The following PHF20 variants were observed in gnomAD, a reference collection of about 807,000 sequenced individuals.
PHF20 encodes PHD finger protein 20, also known as glioma-expressed antigen 2.
Under a neutral mutation model 113.5 loss-of-function variants are expected in PHF20, and 23 were observed. That is an observed-to-expected ratio of 0.20 (90% confidence interval 0.15 to 0.29). The LOEUF (loss-of-function observed/expected upper bound fraction) is 0.29, where lower values mean the gene tolerates loss of function less well. Ranked by LOEUF, PHF20 falls within the 10% of genes least tolerant of loss-of-function variation. The pLI, the probability that PHF20 is intolerant of heterozygous loss-of-function variation, is 1.00. For missense variants in PHF20, 943 were observed against 1,219.6 expected (o/e 0.77, Z 3.38); for synonymous variants, 434 against 457.3 (o/e 0.95, Z 0.65).
At chr20:35,780,708 G>A (rs1408893368) in intron 1 of PHF20, among the ~76,000 whole-genome samples, 2 of 149,930 alleles carry the variant, frequency 1.3e-5, no homozygotes, top group African/African-American at 4.9e-5. Flanking sequence ...CACCACACCC[G>A]GCTAATCTTT....
At chr20:35,817,590 G>A (rs2042098802) in intron 2 of PHF20, among the ~76,000 whole-genome samples, 1 of 152,082 alleles carries the variant, frequency 6.6e-6, no homozygotes, top group Non-Finnish European at 1.5e-5. Flanking sequence ...GAGCTCAGGA[G>A]TTCAACGACA....
intron 15 of PHF20, among the ~76,000 whole-genome samples, chr20:35,935,657 G>A (rs947469982): frequency 6.6e-6 from 1 of 152,220 alleles, no homozygotes. Context: ...ATGAGCCACT[G>A]TGCCTAGCCC....
At chr20:35,835,914 C>T (rs945861488) in intron 2 of PHF20, among the ~76,000 whole-genome samples, 1 of 152,064 alleles carries the variant, frequency 6.6e-6, no homozygotes, top group Non-Finnish European at 1.5e-5. Flanking sequence ...TGGGCAACAG[C>T]ATGAGACTTC....
At chr20:35,787,683 C>T (rs1347564619) in intron 1 of PHF20, among the ~76,000 whole-genome samples, 1 of 151,250 alleles carries the variant, frequency 6.6e-6, no homozygotes, top group Non-Finnish European at 1.5e-5. Context: ...GACGAGGTTT[C>T]ACCATGTTGG....
intron 2 of PHF20, among the ~76,000 whole-genome samples, chr20:35,833,760 T>TA (rs892528326): frequency 2.6e-5 from 4 of 151,602 alleles, no homozygotes; most frequent in Non-Finnish European, 4.4e-5. Flanking sequence ...AATGAAGGGT[T>TA]AAAAAAAATA....
intron 17 of PHF20, among the ~76,000 whole-genome samples, chr20:35,943,219 A>G (rs1056631271): frequency 6.6e-6 from 1 of 152,064 alleles, no homozygotes; most frequent in African/African-American, 2.4e-5. Context: ...GTGGTGGTGC[A>G]CACGTATAAT....
chr20:35,825,676 CT>C, intron 2 of PHF20, among the ~76,000 whole-genome samples: 2 of 152,166 alleles, frequency 1.3e-5, no homozygotes, highest in South Asian at 4.1e-4. Context: ...GAGGGTCTTG[CT>C]TTGTTGCCCA....
At chr20:35,941,148 G>A (rs2055972295) in intron 17 of PHF20, 101 bp downstream of exon 17, 4 of 871,986 alleles carry the variant, frequency 4.6e-6, no homozygotes, top group Non-Finnish European at 7.0e-6. Flanking sequence ...AGGGACCGCT[G>A]TACTCTTTGC....
Position 35,789,872 on chromosome 20 carries a change from T to C in PHF20, c.-32-11619T>C, listed in dbSNP as rs369389646. ...CCGCCCCCCCCCCCCCCTTTTTTTT[T>C]ATACACAGTTTTACTCTTGTTCCCC... On this transcript the variant is annotated intron_variant, in intron 1 of 17. Transcript: ENST00000374012. Among the ~76,000 whole-genome samples the C allele has an allele frequency of 1.4e-3, 160 of 112,882 alleles. 3 individuals are homozygous for C. The highest frequency in any genetic ancestry group is 5.2e-3 in the African/African-American group (150 of 28,938). 74.1% of individuals were successfully genotyped at this position (112,882 alleles called of 152,430 possible). A position where few individuals can be genotyped will look rare whatever the true frequency, so the allele number is the denominator to read the frequency against.
In PHF20 at chr20:35,896,444, C is replaced by A. The variant is rs147575542; in HGVS notation, c.1283-2926C>A. Among the ~76,000 whole-genome samples, 588 of 152,096 alleles carry A rather than the reference C, an allele frequency of 3.9e-3. 2 individuals are homozygous for A. The highest frequency in any genetic ancestry group is 6.6e-3 in the Non-Finnish European group (447 of 67,990). ...GACCAAATCTGTAGCATAGGAATGA[C>A]TTAATGTGATTTTTTGTTGGTGGGA... On this transcript the variant is annotated intron_variant, in intron 9 of 17. Coordinates refer to ENST00000374012, the MANE Select transcript of PHF20 (RefSeq NM_016436.5).
rs181099158 is a variant in PHF20, at chr20:35,883,970, G to C, written c.1282+12141G>C. ...GAGGGTGGTGTGTGGTACAAGTGAT[G>C]TCAGTACTCCAGGACTGGGTGGTGC... On this transcript the variant is annotated intron_variant, in intron 9 of 17. Transcript: ENST00000374012. Among the ~76,000 whole-genome samples, 36 of 152,320 alleles carry C rather than the reference G, an allele frequency of 2.4e-4. No individual in the cohort carries two copies. The East Asian group carries it at 6.9e-3, about 29-fold the overall frequency.
Position 35,790,407 on chromosome 20 carries a change from A to G in PHF20, c.-32-11084A>G, listed in dbSNP as rs540362722. ...GTAGAGGCGGGATTTCACCATGTTG[A>G]CAAGGCTGGTCTCAAACTCCTGACC... On this transcript the variant is annotated intron_variant, in intron 1 of 17. Coordinates refer to ENST00000374012, the MANE Select transcript of PHF20 (RefSeq NM_016436.5). 3.3e-5 allele frequency among the ~76,000 whole-genome samples: 5 copies of G among 149,860 alleles called. No homozygotes were observed. In the South Asian group the frequency reaches 8.5e-4, roughly 26 times the overall value.
At chr20:35,850,241 C>T (rs1004367948) in intron 4 of PHF20, among the ~76,000 whole-genome samples, 1 of 149,114 alleles carries the variant, frequency 6.7e-6, no homozygotes, top group South Asian at 2.1e-4. Flanking sequence ...GTTTGGAAGC[C>T]ATCTCTGGTG....
chr20:35,852,364 T>A (rs2042748336), intron 4 of PHF20, among the ~76,000 whole-genome samples: 1 of 152,194 alleles, frequency 6.6e-6, no homozygotes, highest in African/African-American at 2.4e-5. Context: ...AGACAGGGTC[T>A]GGTCCCAGCT....
At chr20:35,848,716 G>A (rs983204559) in intron 4 of PHF20, among the ~76,000 whole-genome samples, 1 of 152,002 alleles carries the variant, frequency 6.6e-6, no homozygotes, top group African/African-American at 2.4e-5. Context: ...AATTAGATGA[G>A]TGTGGTGACA....
intron 1 of PHF20, among the ~76,000 whole-genome samples, chr20:35,797,737 C>T (rs1212808460): frequency 4.6e-5 from 7 of 150,654 alleles, no homozygotes; most frequent in South Asian, 4.2e-4. Flanking sequence ...CTGCAACCTC[C>T]GCCTCCTGGG....
intron 2 of PHF20, among the ~76,000 whole-genome samples, chr20:35,829,020 A>G (rs1367476976): frequency 6.6e-6 from 1 of 152,150 alleles, no homozygotes; most frequent in Non-Finnish European, 1.5e-5. Context: ...AGGATCTCAT[A>G]AAGGCTGCAT....
At chr20:35,824,655 A>G (rs748788528) in intron 2 of PHF20, among the ~76,000 whole-genome samples, 1 of 152,116 alleles carries the variant, frequency 6.6e-6, no homozygotes, top group South Asian at 2.1e-4. Flanking sequence ...CAATAATTCA[A>G]TGGTTTTCAG....
At chr20:35,889,232 T>C (rs1336523729) in intron 9 of PHF20, among the ~76,000 whole-genome samples, 2 of 152,016 alleles carry the variant, frequency 1.3e-5, no homozygotes, top group Admixed American at 1.3e-4. Flanking sequence ...GCCAGGCTAG[T>C]CTCGAACTCC....
Sources: allele counts gnomAD v4.1 joint callset (sites outside exome capture counted in the v4.1 genomes callset), GRCh38; gene constraint gnomAD v4.1.1; transcripts MANE v1.5; gene names NCBI Gene and HGNC (gene_info 2026-07-23, HGNC 2026-07-21).